ZC3HAV1: variants seen among roughly 807,000 people sequenced by gnomAD.
ZC3HAV1 encodes the protein zinc finger CCCH-type containing, antiviral 1.
Under a neutral mutation model 86.6 loss-of-function variants are expected in ZC3HAV1, and 41 were observed. That is an observed-to-expected ratio of 0.47 (90% CI 0.37 to 0.61). The LOEUF is 0.61. Ranked by LOEUF, ZC3HAV1 falls within the 20% of genes least tolerant of loss-of-function variation. The probability of loss-of-function intolerance (pLI) is 0.00; values close to 1 mark genes in which losing one functional copy is unlikely to be tolerated. For missense variants in ZC3HAV1, 964 were observed against 1,141.1 expected, an observed-to-expected ratio of 0.84 and a Z score of 2.24; for synonymous variants, 421 against 432.1, an observed-to-expected ratio of 0.97 and a Z score of 0.32.
At chr7:139,059,655 C>G (rs1404484395) in intron 9 of ZC3HAV1, among the ~76,000 whole-genome samples, 2 of 151,850 alleles carry the variant, frequency 1.3e-5, no homozygotes, top group African/African-American at 2.4e-5. Context: ...CTTTAGATAG[C>G]TACACCAATC....
chr7:139,069,006 C>A (rs1001499360), intron 7 of ZC3HAV1, among the ~76,000 whole-genome samples: 11 of 152,160 alleles, frequency 7.2e-5, no homozygotes, highest in Non-Finnish European at 1.5e-4. Context: ...GGTCAATTAC[C>A]AGGTGTTTCT....
In ZC3HAV1 at chr7:139,073,993, T is replaced by A. The variant is rs1816858822; in HGVS notation, c.1735A>T (p.Met579Leu). 2.5e-6 allele frequency: 4 copies of A among 1,613,496 alleles called. No individual in the cohort carries two copies. The highest frequency in any genetic ancestry group is 3.4e-6 in the Non-Finnish European group (4 of 1,179,596). The change falls in exon 7 of 13, where the codon ATG becomes TTG. Residue 579 changes from methionine to leucine, a missense_variant. Met to Leu is a conservative substitution (Grantham distance 15). Coordinates refer to ENST00000242351, the MANE Select transcript of ZC3HAV1 (RefSeq NM_020119.4). ...VGSYTINFRV[M>L]SCDSFPIRRL... ...CGGATGGGAAAGGAATCACAACTCA[T>A]TACCCGAAAATTGATTGTATAACTT...
At chr7:139,063,371 T>C (rs1816503397) in intron 8 of ZC3HAV1, among the ~76,000 whole-genome samples, 1 of 152,196 alleles carries the variant, frequency 6.6e-6, no homozygotes, top group African/African-American at 2.4e-5. Flanking sequence ...GCACATTGAT[T>C]TTTGTGTTTT....
chr7:139,063,944 C>T (rs1018519982), intron 8 of ZC3HAV1, among the ~76,000 whole-genome samples: 6 of 152,118 alleles, frequency 3.9e-5, no homozygotes, highest in African/African-American at 1.4e-4. Context: ...TTCGGTCACA[C>T]CATGCTGCTT....
rs755625154 is a variant in ZC3HAV1, at chr7:139,079,664, G to A, written c.1277C>T (p.Pro426Leu). ...TCCATCAGCATTATTATTAAAAAGAGGGCCAGGCTGGATGTCCTGAGTTCC... is the reference window on the plus strand; with the variant it reads ...TCCATCAGCATTATTATTAAAAAGAAGGCCAGGCTGGATGTCCTGAGTTCC... Reference protein sequence around the residue: ...KSGTQDIQPGPLFNNNADGVA... With the variant: ...KSGTQDIQPGLLFNNNADGVA... Residue 426 changes from proline to leucine, a missense_variant, in exon 4 of 13, where the codon CCT becomes CTT. By Grantham distance (98) the Pro-to-Leu change is moderately conservative (BLOSUM62 -3). Coordinates refer to ENST00000242351, the MANE Select transcript of ZC3HAV1 (RefSeq NM_020119.4). 1.2e-6 allele frequency: 2 copies of A among 1,614,052 alleles called. No homozygotes were observed. The highest frequency in any genetic ancestry group is 1.3e-5 in the African/African-American group (1 of 74,910).
At chr7:139,061,657 G>A (rs1816447545) in intron 8 of ZC3HAV1, among the ~76,000 whole-genome samples, 1 of 152,218 alleles carries the variant, frequency 6.6e-6, no homozygotes, top group South Asian at 2.1e-4. Flanking sequence ...AAACAGTTTG[G>A]TGGTTTCTTA....
chr7:139,097,426 A>T (rs202000468), intron 1 of ZC3HAV1, among the ~76,000 whole-genome samples: 6,339 of 74,722 alleles, frequency 0.085, 506 homozygotes, highest in Non-Finnish European at 0.096. Context: ...ATATATATAT[A>T]TATTTTTTTT....
intron 10 of ZC3HAV1, among the ~76,000 whole-genome samples, chr7:139,054,488 A>G (rs773025800): frequency 6.6e-6 from 1 of 152,210 alleles, no homozygotes; most frequent in Non-Finnish European, 1.5e-5. Flanking sequence ...TTGTGATCCA[A>G]CTAGGTTAAG....
At chr7:139,047,947 A>G in intron 12 of ZC3HAV1, 94 bp from the exon 13 acceptor site, 1 of 1,294,572 alleles carries the variant, frequency 7.7e-7, no homozygotes, top group Non-Finnish European at 1.1e-6. Flanking sequence ...GGTGTGGACT[A>G]AGCATATGTC....
Position 139,098,891 on chromosome 7 carries a change from G to A in ZC3HAV1, c.309-9132C>T, listed in dbSNP as rs118113299. On this transcript the variant is annotated intron_variant, in intron 1 of 12. Coordinates refer to ENST00000242351, the MANE Select transcript of ZC3HAV1 (RefSeq NM_020119.4). ...TGGCTTCTTCTGTTCCAAAGTAGCC[G>A]CAGGAAAAGCTCGCAGATACCTGGT... Among the ~76,000 whole-genome samples the A allele has an allele frequency of 5.1e-3, 783 of 152,118 alleles. 5 individuals are homozygous for A. Among genetic ancestry groups the A allele is most frequent in the South Asian group, 7.7e-3 (37 of 4,818 alleles).
At chr7:139,060,043 C>G (rs1455286016) in intron 9 of ZC3HAV1, among the ~76,000 whole-genome samples, 4 of 152,168 alleles carry the variant, frequency 2.6e-5, no homozygotes, top group Non-Finnish European at 5.9e-5. Context: ...GGCTGTTAAC[C>G]TGGTCCCAAG....
intron 1 of ZC3HAV1, among the ~76,000 whole-genome samples, chr7:139,097,428 A>ATATATATATATATATATT: frequency 6.2e-5 from 3 of 48,158 alleles, no homozygotes; most frequent in African/African-American, 2.3e-4. Context: ...ATATATATAT[A>ATATATATATATATATATT]TTTTTTTTTT....
chr7:139,049,786 T>C (rs1029606881), intron 12 of ZC3HAV1: 2 of 152,736 alleles, frequency 1.3e-5, no homozygotes, highest in Admixed American at 1.3e-4. Flanking sequence ...GCCCCACTGT[T>C]TGGTCTGGGC....
intron 1 of ZC3HAV1, among the ~76,000 whole-genome samples, chr7:139,102,379 C>A (rs1817799580): frequency 6.6e-6 from 1 of 152,156 alleles, no homozygotes; most frequent in Non-Finnish European, 1.5e-5. Context: ...ATTCTCCCAC[C>A]TCGGCCTCTT....
rs1815899926 is a variant in ZC3HAV1 at position 139,044,354 on chromosome 7, A to G, written c.*3240T>C. On this transcript the variant is annotated 3_prime_UTR_variant, in exon 13 of 13. Coordinates refer to ENST00000242351, the MANE Select transcript of ZC3HAV1 (RefSeq NM_020119.4). ...GCTCTTAAATCCAAACCTACTCATT[A>G]CAAGGAAGAGTAAACATCTGTCTGT... 1.3e-5 allele frequency: 2 copies of G among 152,188 alleles called. No individual in the cohort carries two copies. The highest frequency in any genetic ancestry group is 2.1e-4 in the South Asian group (1 of 4,822). The allele number at this position is 152,188 out of a possible 1,614,324, so 9.4% of individuals were successfully genotyped here.
At position 139,078,551 on chromosome 7, in the gene ZC3HAV1, C is replaced by G; in HGVS notation, c.1573+1G>C. ...TACAGAAAAGTCCTTAGGTTACTCA[C>G]CATTAAGCGGACAACCCTTACACAG... On this transcript the variant is annotated splice_donor_variant, in intron 5 of 12. Transcript: ENST00000242351. LOFTEE classifies it high-confidence loss of function. 6.3e-7 allele frequency: 1 copy of G among 1,594,190 alleles called. No individual in the cohort carries two copies. Among genetic ancestry groups the G allele is most frequent in the Non-Finnish European group, 8.5e-7 (1 of 1,173,804 alleles).
At chr7:139,091,505 C>G (rs1418569883) in intron 1 of ZC3HAV1, among the ~76,000 whole-genome samples, 1 of 152,160 alleles carries the variant, frequency 6.6e-6, no homozygotes, top group African/African-American at 2.4e-5. Flanking sequence ...CCTCCAGCCT[C>G]CACCTCAAAG....
At chr7:139,094,750 T>A (rs1416995928) in intron 1 of ZC3HAV1, among the ~76,000 whole-genome samples, 1 of 152,164 alleles carries the variant, frequency 6.6e-6, no homozygotes, top group African/African-American at 2.4e-5. Context: ...GAAAATAACC[T>A]AACCCTGGGC....
chr7:139,047,668 T>C lies in ZC3HAV1; in HGVS notation c.2635A>G (p.Ile879Val). 6.2e-6 allele frequency: 10 copies of C among 1,614,090 alleles called. No individual in the cohort carries two copies. The highest frequency in any genetic ancestry group is 8.5e-6 in the Non-Finnish European group (10 of 1,180,024). Reference sequence around the variant, plus strand: ...GGGTAAACCTGATCTTTCTGAAAGATGACAAAAACGGAGGGATTCGATCTG... The same window carrying C: ...GGGTAAACCTGATCTTTCTGAAAGACGACAAAAACGGAGGGATTCGATCTG... Reference protein sequence around the residue: ...DTRSNPSVFVIFQKDQVYPQY... With the variant: ...DTRSNPSVFVVFQKDQVYPQY... Residue 879 changes from isoleucine to valine, a missense_variant, in exon 13 of 13, where the codon ATC becomes GTC. Transcript: ENST00000242351.
Sources: gnomAD v4.1 joint callset for allele counts (sites outside exome capture counted in the v4.1 genomes callset) on GRCh38, gnomAD v4.1.1 for gene constraint, MANE v1.5 for transcripts, NCBI Gene and HGNC (gene_info 2026-07-23, HGNC 2026-07-21) for gene names.